CERS4: variants seen among roughly 807,000 people sequenced by gnomAD.
CERS4 encodes ceramide synthase 4.
In CERS4, 65 loss-of-function variants were observed where a neutral mutation model predicts 51.8. That is an observed-to-expected ratio of 1.26 (90% CI 1.03 to 1.54). The LOEUF (loss-of-function observed/expected upper bound fraction) is 1.54, where lower values mean the gene tolerates loss of function less well. Ranked by LOEUF, CERS4 falls within the 40% of genes most tolerant of loss-of-function variation. CERS4 has a pLI of 0.00. For synonymous variants in CERS4, 228 were observed against 208.4 expected (o/e 1.09, Z -0.81); for missense variants, 563 against 500.4 (o/e 1.13, Z -1.19).
Position 8,213,703 on chromosome 19 carries a change from C to T in CERS4, c.-2+2841C>T, listed in dbSNP as rs1428506615. Among the ~76,000 whole-genome samples, 10 of 152,174 alleles carry T rather than the reference C, an allele frequency of 6.6e-5. 1 individual carries two copies. The highest frequency in any genetic ancestry group is 6.2e-4 in the South Asian group (3 of 4,816). Reference sequence around the variant, plus strand: ...TAGAGAGGCCCGGCGCGGTGGCTCACGCCTGTAATCCCAGCACTTTGAGAG... The same window carrying T: ...TAGAGAGGCCCGGCGCGGTGGCTCATGCCTGTAATCCCAGCACTTTGAGAG... On this transcript the variant is annotated intron_variant, in intron 2 of 11. Transcript: ENST00000251363.
At chr19:8,224,058 C>T (rs1436732209) in intron 2 of CERS4, among the ~76,000 whole-genome samples, 11 of 134,882 alleles carry the variant, frequency 8.2e-5, no homozygotes, top group Non-Finnish European at 1.7e-4. Flanking sequence ...GCTGAGATCA[C>T]ACCACTGCAC....
intron 2 of CERS4, among the ~76,000 whole-genome samples, chr19:8,218,178 T>C (rs1016955572): frequency 6.6e-6 from 1 of 152,192 alleles, no homozygotes; most frequent in Non-Finnish European, 1.5e-5. Context: ...TTGGCCAGGC[T>C]GGTCTTGAAC....
In CERS4 at chr19:8,254,589, C is replaced by T; in HGVS notation, c.264C>T (p.Phe88=). Residue 88 remains phenylalanine (F), a synonymous_variant, in exon 4 of 12, where the codon TTC becomes TTT. Coordinates refer to ENST00000251363, the MANE Select transcript of CERS4 (RefSeq NM_024552.3). ...CCAACGCCACGCTGGAGAAACACTTCCTCACGGAAGGGCACAGGCCCAAGG... is the reference window on the plus strand; with the variant it reads ...CCAACGCCACGCTGGAGAAACACTTTCTCACGGAAGGGCACAGGCCCAAGG... ...VKPNATLEKH[F]LTEGHRPKEP... is the part of the protein sequence containing the mutation. 1 of 1,611,758 alleles carries T rather than the reference C, an allele frequency of 6.2e-7. No individual in the cohort carries two copies. The highest frequency in any genetic ancestry group is 8.5e-7 in the Non-Finnish European group (1 of 1,179,258).
intron 2 of CERS4, among the ~76,000 whole-genome samples, chr19:8,228,252 T>A (rs1967868072): frequency 6.6e-6 from 1 of 152,102 alleles, no homozygotes; most frequent in Non-Finnish European, 1.5e-5. Flanking sequence ...TTTTACAACA[T>A]GAAAGAATTC....
chr19:8,247,338 C>T (rs773028703), intron 2 of CERS4, among the ~76,000 whole-genome samples: 9 of 152,080 alleles, frequency 5.9e-5, no homozygotes, highest in Non-Finnish European at 1.2e-4. Flanking sequence ...CATGGTCCTG[C>T]CTCAGGGCCT....
intron 2 of CERS4, among the ~76,000 whole-genome samples, chr19:8,230,307 A>T (rs1967958834): frequency 6.6e-6 from 1 of 151,576 alleles, no homozygotes; most frequent in African/African-American, 2.4e-5. Flanking sequence ...CTCCTGCCTC[A>T]GCCTCCCGAG....
At chr19:8,213,479 A>T (rs1046708164) in intron 2 of CERS4, among the ~76,000 whole-genome samples, 4 of 151,978 alleles carry the variant, frequency 2.6e-5, no homozygotes, top group African/African-American at 7.3e-5. Flanking sequence ...TTAAAAAAAA[A>T]TTTTATACAC....
chr19:8,223,374 G>T (rs1967642850), intron 2 of CERS4, among the ~76,000 whole-genome samples: 1 of 151,780 alleles, frequency 6.6e-6, no homozygotes. Flanking sequence ...CCAGCACTTT[G>T]GGAGGCTGAG....
chr19:8,215,268 C>G (rs1967250264), intron 2 of CERS4, among the ~76,000 whole-genome samples: 1 of 152,066 alleles, frequency 6.6e-6, no homozygotes, highest in South Asian at 2.1e-4. Flanking sequence ...CGCCTGAGGT[C>G]AAGAGTTCGA....
At chr19:8,214,312 A>T (rs1470968956) in intron 2 of CERS4, 1 of 152,304 alleles carries the variant, frequency 6.6e-6, no homozygotes, top group African/African-American at 2.4e-5. Flanking sequence ...CTGCAGTGGG[A>T]GGCACTGGGG....
chr19:8,254,721 A>T (rs1302773529), intron 4 of CERS4, 105 bp downstream of exon 4: 1 of 958,906 alleles, frequency 1.0e-6, no homozygotes, highest in Admixed American at 2.0e-5. Flanking sequence ...AGGTGGCTGC[A>T]GGCACCCCTG....
chr19:8,260,227 C>G (rs1969607882), intron 10 of CERS4, among the ~76,000 whole-genome samples: 1 of 152,000 alleles, frequency 6.6e-6, no homozygotes, highest in Non-Finnish European at 1.5e-5. Context: ...TGGAGTCTTG[C>G]TCTGTCACCT....
chr19:8,242,650 C>T (rs1212917691), intron 2 of CERS4, among the ~76,000 whole-genome samples: 4 of 152,120 alleles, frequency 2.6e-5, no homozygotes, highest in South Asian at 2.1e-4. Context: ...AGAAAGAAAG[C>T]GTTTAAGCTC....
At chr19:8,258,121 G>C (rs1020776391) in intron 10 of CERS4, 136 bp downstream of exon 10, 8 of 735,966 alleles carry the variant, frequency 1.1e-5, no homozygotes. Flanking sequence ...GCAGGGAAGG[G>C]TGTGCCAGGC....
chr19:8,257,346 G>GC (rs374475934), intron 9 of CERS4, among the ~76,000 whole-genome samples: 1 of 151,694 alleles, frequency 6.6e-6, no homozygotes, highest in African/African-American at 2.4e-5. Context: ...ATGAGGCCCT[G>GC]CCCCCCATCT....
chr19:8,258,051 C>T, intron 10 of CERS4, 66 bp downstream of exon 10: 2 of 1,243,224 alleles, frequency 1.6e-6, no homozygotes, highest in East Asian at 2.3e-5. Flanking sequence ...AGGACTGCCT[C>T]ACCATTGGTA....
chr19:8,242,881 T>C (rs891385762), intron 2 of CERS4, among the ~76,000 whole-genome samples: 4 of 152,086 alleles, frequency 2.6e-5, no homozygotes, highest in African/African-American at 9.7e-5. Flanking sequence ...ATTGCTCCTG[T>C]GGTTCTCCCT....
At chr19:8,236,171 G>T (rs763536052) in intron 2 of CERS4, among the ~76,000 whole-genome samples, 2 of 151,994 alleles carry the variant, frequency 1.3e-5, no homozygotes, top group Non-Finnish European at 2.9e-5. Context: ...CTCCGGCCTG[G>T]GTGACAGAGT....
At chr19:8,251,374 C>G (rs1168946224) in intron 3 of CERS4, 125 bp downstream of exon 3, 1 of 1,422,090 alleles carries the variant, frequency 7.0e-7, no homozygotes, top group African/African-American at 1.5e-5. Flanking sequence ...AAAGCGCGTT[C>G]CCTGGCTCCA....
Sources: allele counts gnomAD v4.1 joint callset (sites outside exome capture counted in the v4.1 genomes callset), GRCh38; gene constraint gnomAD v4.1.1; transcripts MANE v1.5; gene names NCBI Gene and HGNC (gene_info 2026-07-23, HGNC 2026-07-21).